The following GPATCH8 variants were observed in gnomAD, a reference collection of about 807,000 sequenced individuals.
GPATCH8 encodes G-patch domain containing 8.
In GPATCH8, 18 loss-of-function variants were observed where a neutral mutation model predicts 118.3. That is an observed-to-expected ratio of 0.15 (90% CI 0.11 to 0.23). GPATCH8 has a LOEUF of 0.23. Ranked by LOEUF, GPATCH8 falls within the 10% of genes least tolerant of loss-of-function variation. The pLI, the probability that GPATCH8 is intolerant of heterozygous loss-of-function variation, is 1.00. For synonymous variants in GPATCH8, 659 were observed against 684.7 expected (o/e 0.96, Z 0.59); for missense variants, 1,631 against 1,873.8 (o/e 0.87, Z 2.39).
intron 3 of GPATCH8, among the ~76,000 whole-genome samples, chr17:44,454,787 C>G (rs944929101): frequency 5.9e-5 from 9 of 152,146 alleles, no homozygotes; most frequent in African/African-American, 2.2e-4. Flanking sequence ...TCTGACTAAT[C>G]TTGTTTATTA....
chr17:44,398,865 C>T lies in GPATCH8; in HGVS notation c.3212G>A (p.Gly1071Asp). 1 of 1,613,898 alleles carries T rather than the reference C, an allele frequency of 6.2e-7. No individual in the cohort carries two copies. The highest frequency in any genetic ancestry group is 8.5e-7 in the Non-Finnish European group (1 of 1,179,778). Residue 1071 changes from glycine to aspartate, a missense_variant, in exon 8 of 8, where the codon GGC (glycine) becomes GAC (aspartate). Transcript: ENST00000591680. ...TGPPSQNSNI[G>D]TGRGSEGDCS... is the part of the protein sequence containing the mutation. ...GTCACCTTCTGACCCTCTTCCTGTGCCAATGTTGCTGTTCTGGGAAGGTGG... is the reference window on the plus strand; with the variant it reads ...GTCACCTTCTGACCCTCTTCCTGTGTCAATGTTGCTGTTCTGGGAAGGTGG...
chr17:44,485,260 C>A lies in GPATCH8; in HGVS notation c.46-10357G>T, dbSNP rs114254264. Among the ~76,000 whole-genome samples, 538 of 152,218 alleles carry A rather than the reference C, an allele frequency of 3.5e-3. 3 individuals carry two copies. Among genetic ancestry groups the A allele is most frequent in the African/African-American group, 0.012 (515 of 41,526 alleles). On this transcript the variant is annotated intron_variant, in intron 1 of 7. Coordinates refer to ENST00000591680, the MANE Select transcript of GPATCH8 (RefSeq NM_001002909.4). Reference sequence around the variant, plus strand: ...CTGGGACTACAGGTGCAAGCCACCACACCCGTCTAATGTTTTCATTTAAAA... The same window carrying A: ...CTGGGACTACAGGTGCAAGCCACCAAACCCGTCTAATGTTTTCATTTAAAA...
At chr17:44,470,764 T>A (rs955417692) in intron 2 of GPATCH8, among the ~76,000 whole-genome samples, 15 of 152,192 alleles carry the variant, frequency 9.9e-5, no homozygotes, top group African/African-American at 3.6e-4. Flanking sequence ...CGCCTCAGCA[T>A]CCCAAAGTGC....
rs1478004730 is a variant in GPATCH8 at position 44,486,188 on chromosome 17, C to CTTGAATAAAGT, written c.46-11286_46-11285insACTTTATTCAA. The CTTGAATAAAGT allele has an allele frequency of 1.4e-4, 22 of 152,238 alleles. 1 individual carries two copies. Among genetic ancestry groups the CTTGAATAAAGT allele is most frequent in the South Asian group, 1.2e-3 (6 of 4,822 alleles). The allele number at this position is 152,238 out of a possible 1,614,324, so 9.4% of individuals were successfully genotyped here. A position where few individuals can be genotyped will look rare whatever the true frequency, so the allele number is the denominator to read the frequency against. On this transcript the variant is annotated intron_variant, in intron 1 of 7. Transcript: ENST00000591680. ...ACAGTTTTTATTTTATTCAAGTTAACCAAGGTAAAGACTCAGTTCTTTCAC... is the reference window on the plus strand; with the variant it reads ...ACAGTTTTTATTTTATTCAAGTTAACTTGAATAAAGTCAAGGTAAAGACTCAGTTCTTTCAC...
At chr17:44,488,666 T>TG (rs1968988207) in intron 1 of GPATCH8, among the ~76,000 whole-genome samples, 1 of 151,368 alleles carries the variant, frequency 6.6e-6, no homozygotes, top group African/African-American at 2.4e-5. Flanking sequence ...CCACCACACA[T>TG]GGCCCATGAT....
In GPATCH8 at chr17:44,399,687, C is replaced by T. The variant is rs751449158; in HGVS notation, c.2390G>A (p.Arg797Gln). Residue 797 changes from arginine (R) to glutamine (Q), a missense_variant, in exon 8 of 8, where the codon CGA becomes CAA. Arg to Gln is a conservative substitution (Grantham distance 43, BLOSUM62 1). This residue lies in a region of GPATCH8 where 922 missense variants were observed against 879.7 expected (regional missense o/e 1.05). Coordinates refer to ENST00000591680, the MANE Select transcript of GPATCH8 (RefSeq NM_001002909.4). The stretch of plus-strand genomic sequence containing the variant: ...GCTGCTCCGTTTGGTGCCTGCTCTT[C>T]GCTGGCAGGATGAAGGTGGAAGTTC... ...KGELPPSSCQ[R>Q]RAGTKRSSRS... The T allele has an allele frequency of 9.9e-6, 16 of 1,613,936 alleles. No homozygotes were observed. The East Asian group carries it at 1.8e-4, about 18-fold the overall frequency.
At chr17:44,496,972 T>C (rs569268592) in intron 1 of GPATCH8, among the ~76,000 whole-genome samples, 1 of 152,228 alleles carries the variant, frequency 6.6e-6, no homozygotes, top group Non-Finnish European at 1.5e-5. Flanking sequence ...TTCACTGCAA[T>C]ATCAAATCAA....
intron 3 of GPATCH8, among the ~76,000 whole-genome samples, chr17:44,455,078 C>G (rs1230592399): frequency 2.0e-5 from 3 of 152,152 alleles, no homozygotes; most frequent in Non-Finnish European, 4.4e-5. Context: ...ATTCCCCCAC[C>G]AACCTATTCC....
chr17:44,491,450 T>C (rs1040210080), intron 1 of GPATCH8, among the ~76,000 whole-genome samples: 2 of 139,242 alleles, frequency 1.4e-5, no homozygotes, highest in Non-Finnish European at 1.5e-5. Context: ...ATTGCGCCAC[T>C]GCACTCCAGC....
chr17:44,458,671 G>A (rs1225452909), intron 3 of GPATCH8, among the ~76,000 whole-genome samples: 1 of 152,052 alleles, frequency 6.6e-6, no homozygotes, highest in African/African-American at 2.4e-5. Context: ...ACAGATGCAC[G>A]CCACCATGCC....
At chr17:44,474,396 T>C in intron 2 of GPATCH8, 1 of 266,250 alleles carries the variant, frequency 3.8e-6, no homozygotes, top group Non-Finnish European at 7.3e-6. Flanking sequence ...ATATTACTCC[T>C]TAAATGTTTT....
At chr17:44,488,806 G>T (rs1274108475) in intron 1 of GPATCH8, among the ~76,000 whole-genome samples, 42 of 151,572 alleles carry the variant, frequency 2.8e-4, no homozygotes, top group Non-Finnish European at 2.9e-5. Flanking sequence ...CAAAAAACAG[G>T]CCAGGCACGG....
intron 2 of GPATCH8, among the ~76,000 whole-genome samples, chr17:44,469,351 C>T (rs998401630): frequency 7.2e-5 from 11 of 152,252 alleles, no homozygotes; most frequent in African/African-American, 2.6e-4. Flanking sequence ...AAGCTGTATG[C>T]CACCATAGTA....
intron 2 of GPATCH8, 156 bp downstream of exon 2, chr17:44,474,673 T>A (rs1471361689): frequency 1.4e-6 from 1 of 699,520 alleles, no homozygotes; most frequent in Non-Finnish European, 2.6e-6. Context: ...TTAGATTACA[T>A]CCCAAGCTTT....
chr17:44,397,542 C>T lies in GPATCH8; in HGVS notation c.*26G>A, dbSNP rs769229037. The T allele has an allele frequency of 7.2e-6, 11 of 1,524,442 alleles. No individual in the cohort carries two copies. In the South Asian group the frequency reaches 1.1e-4, roughly 16 times the overall value. 94.4% of individuals were successfully genotyped at this position (1,524,442 alleles called of 1,614,324 possible). A position where few individuals can be genotyped will look rare whatever the true frequency, so the allele number is the denominator to read the frequency against. On this transcript the variant is annotated 3_prime_UTR_variant, in exon 8 of 8. Coordinates refer to ENST00000591680, the MANE Select transcript of GPATCH8 (RefSeq NM_001002909.4). ...AACATTTATGGGTCTCCTCCCCTGGCCCTACCTAGGATCCCATCCCCCAAC... is the reference window on the plus strand; with the variant it reads ...AACATTTATGGGTCTCCTCCCCTGGTCCTACCTAGGATCCCATCCCCCAAC...
Position 44,396,586 on chromosome 17 carries a change from A to T in GPATCH8, c.*982T>A, listed in dbSNP as rs1343614293. On this transcript the variant is annotated 3_prime_UTR_variant, in exon 8 of 8. Coordinates refer to ENST00000591680, the MANE Select transcript of GPATCH8 (RefSeq NM_001002909.4). Reference sequence around the variant, plus strand: ...AACAAATATTTTATTTTTTGTTTTCATTTTATAACCTTTAGAGTTTCTTAA... The same window carrying T: ...AACAAATATTTTATTTTTTGTTTTCTTTTTATAACCTTTAGAGTTTCTTAA... 1 of 436,508 alleles carries T rather than the reference A, an allele frequency of 2.3e-6. No individual in the cohort carries two copies. Among genetic ancestry groups the T allele is most frequent in the Non-Finnish European group, 4.5e-6 (1 of 221,598 alleles). The allele number at this position is 436,508 out of a possible 1,614,324, so 27.0% of individuals were successfully genotyped here. A position where few individuals can be genotyped will look rare whatever the true frequency, so the allele number is the denominator to read the frequency against.
intron 6 of GPATCH8, among the ~76,000 whole-genome samples, chr17:44,423,506 C>T (rs1200915479): frequency 6.6e-6 from 1 of 152,114 alleles, no homozygotes; most frequent in Non-Finnish European, 1.5e-5. Flanking sequence ...TTCAACAAGT[C>T]CAGCTTAGGA....
chr17:44,494,575 A>C (rs1015160242), intron 1 of GPATCH8, among the ~76,000 whole-genome samples: 4 of 152,170 alleles, frequency 2.6e-5, no homozygotes, highest in African/African-American at 9.7e-5. Flanking sequence ...CTGGGCAATG[A>C]GAGCGAAACT....
chr17:44,418,989 C>T (rs1178212546), intron 6 of GPATCH8, among the ~76,000 whole-genome samples: 3 of 152,098 alleles, frequency 2.0e-5, no homozygotes, highest in Non-Finnish European at 2.9e-5. Context: ...AACAACTCTT[C>T]GTAAAATCTT....
Sources: gnomAD v4.1 joint callset for allele counts (sites outside exome capture counted in the v4.1 genomes callset) on GRCh38, gnomAD v4.1.1 for gene constraint, gnomAD v4.1.1 regional missense constraint, MANE v1.5 for transcripts, NCBI Gene and HGNC (gene_info 2026-07-23, HGNC 2026-07-21) for gene names.